The following IFRD1 variants were observed in gnomAD, a reference collection of about 807,000 sequenced individuals.
The protein encoded by IFRD1 is interferon-related developmental regulator 1.
Under a neutral mutation model 52.9 loss-of-function variants are expected in IFRD1, and 35 were observed. That is an observed-to-expected ratio of 0.66 (90% confidence interval 0.51 to 0.88). The LOEUF (loss-of-function observed/expected upper bound fraction) is 0.88, where lower values mean the gene tolerates loss of function less well. Among genes scored for constraint, IFRD1 ranks in the 40% least tolerant of loss-of-function variants. The probability of loss-of-function intolerance (pLI) is 0.00; values close to 1 mark genes in which losing one functional copy is unlikely to be tolerated. For synonymous variants in IFRD1, 184 were observed against 188.4 expected (o/e 0.98, Z 0.19); for missense variants, 517 against 550.8 (o/e 0.94, Z 0.61).
intron 9 of IFRD1, among the ~76,000 whole-genome samples, chr7:112,469,571 C>A (rs1157002516): frequency 6.6e-6 from 1 of 151,690 alleles, no homozygotes; most frequent in East Asian, 1.9e-4. Context: ...TTTTGAGTTA[C>A]TGTAGTCTCC....
chr7:112,439,364 T>C (rs1020986848), intron 1 of IFRD1, among the ~76,000 whole-genome samples: 6 of 152,240 alleles, frequency 3.9e-5, no homozygotes, highest in Admixed American at 2.0e-4. Context: ...CATATAAGAC[T>C]GTTAGAAATT....
intron 1 of IFRD1, among the ~76,000 whole-genome samples, chr7:112,432,059 A>G (rs539070782): frequency 1.8e-4 from 27 of 152,218 alleles, no homozygotes; most frequent in Non-Finnish European, 3.8e-4. Context: ...CCAGCCATTT[A>G]GCCACATCCT....
At chr7:112,448,826 C>T (rs1026579392), upstream of IFRD1, among the ~76,000 whole-genome samples, 2 of 151,978 alleles carry the variant, frequency 1.3e-5, no homozygotes, top group Admixed American at 6.5e-5. Context: ...ACATCTTGAA[C>T]GGTGGATAAA....
intron 8 of IFRD1, among the ~76,000 whole-genome samples, chr7:112,462,911 C>A (rs868046369): frequency 6.6e-6 from 1 of 152,122 alleles, no homozygotes; most frequent in Non-Finnish European, 1.5e-5. Flanking sequence ...GCTTGGCTCT[C>A]GAAGGGATTT....
chr7:112,457,482 A>C (rs1013129128), intron 4 of IFRD1: 10 of 184,492 alleles, frequency 5.4e-5, no homozygotes, highest in Non-Finnish European at 1.0e-4. Flanking sequence ...AAATTGTTAC[A>C]GTGATAGAAC....
intron 11 of IFRD1, among the ~76,000 whole-genome samples, chr7:112,473,247 T>TA (rs1306882714): frequency 7.2e-5 from 11 of 152,208 alleles, no homozygotes; most frequent in African/African-American, 2.7e-4. Flanking sequence ...TATCTTAATA[T>TA]AGGAACGGTG....
intron 1 of IFRD1, among the ~76,000 whole-genome samples, chr7:112,435,237 C>T (rs747959484): frequency 1.3e-5 from 2 of 152,178 alleles, no homozygotes; most frequent in East Asian, 1.9e-4. Context: ...CAAAACCACC[C>T]GCGGACAGAA....
intron 1 of IFRD1, among the ~76,000 whole-genome samples, chr7:112,437,665 C>A (rs1236096984): frequency 6.6e-6 from 1 of 150,964 alleles, no homozygotes; most frequent in Non-Finnish European, 1.5e-5. Flanking sequence ...AATGGAAATC[C>A]CTCCAGAGCA....
intron 11 of IFRD1, among the ~76,000 whole-genome samples, chr7:112,473,898 A>G (rs1054190259): frequency 6.6e-5 from 10 of 152,078 alleles, no homozygotes; most frequent in African/African-American, 2.4e-4. Flanking sequence ...ATTAGCAGTC[A>G]CTTCCCTTGT....
chr7:112,435,139 T>C (rs1794641584), intron 1 of IFRD1, among the ~76,000 whole-genome samples: 1 of 152,220 alleles, frequency 6.6e-6, no homozygotes, highest in African/African-American at 2.4e-5. Context: ...TAATATTTTA[T>C]TGGACGGCAA....
chr7:112,451,360 G>A (rs919484359), intron 1 of IFRD1, among the ~76,000 whole-genome samples: 1 of 152,204 alleles, frequency 6.6e-6, no homozygotes, highest in Non-Finnish European at 1.5e-5. Flanking sequence ...CGGAGGCGGG[G>A]GGACCACTTT....
chr7:112,450,579 C>G lies in IFRD1; in HGVS notation c.-110C>G, dbSNP rs1795128249. 1.6e-5 allele frequency: 13 copies of G among 824,516 alleles called. No homozygotes were observed. In the East Asian group the frequency reaches 2.9e-4, roughly 18 times the overall value. The allele number at this position is 824,516 out of a possible 1,614,324, so 51.1% of individuals were successfully genotyped here. A position where few individuals can be genotyped will look rare whatever the true frequency, so the allele number is the denominator to read the frequency against. ...GCCGCTTCTCGACTCTGTTGTTAGC[C>G]GAAGACTCGCCTCTCAGCCGCCCGC... is the stretch of plus-strand genomic sequence containing the variant. On this transcript the variant is annotated 5_prime_UTR_variant, in exon 1 of 12. Transcript: ENST00000403825.
intron 8 of IFRD1, among the ~76,000 whole-genome samples, chr7:112,465,824 A>AT (rs916599524): frequency 9.2e-5 from 14 of 152,042 alleles, no homozygotes; most frequent in African/African-American, 1.7e-4. Context: ...GGCTACACAG[A>AT]TTTTTTTTAA....
chr7:112,461,765 C>A, intron 5 of IFRD1, 101 bp from the exon 6 acceptor site: 1 of 661,664 alleles, frequency 1.5e-6, no homozygotes, highest in Non-Finnish European at 2.5e-6. Context: ...ATATATTATG[C>A]TGCTGAGAAC....
upstream of IFRD1, chr7:112,450,312 G>A (rs182111988): frequency 3.7e-5 from 9 of 244,314 alleles, no homozygotes; most frequent in South Asian, 3.7e-4. Context: ...GGCCGCATGG[G>A]ATTTGTAGGT....
chr7:112,439,129 T>G (rs1484835704), intron 1 of IFRD1, among the ~76,000 whole-genome samples: 1 of 152,138 alleles, frequency 6.6e-6, no homozygotes, highest in Non-Finnish European at 1.5e-5. Flanking sequence ...ATAGTGGGCA[T>G]AGAAGGAAGG....
upstream of IFRD1, among the ~76,000 whole-genome samples, chr7:112,448,284 C>A (rs1369593679): frequency 6.6e-6 from 1 of 152,060 alleles, no homozygotes; most frequent in African/African-American, 2.4e-5. Flanking sequence ...TGGGCCATGG[C>A]CAGGCCTGCC....
intron 1 of IFRD1, among the ~76,000 whole-genome samples, chr7:112,454,469 A>C (rs757441381): frequency 6.6e-6 from 1 of 152,188 alleles, no homozygotes; most frequent in Non-Finnish European, 1.5e-5. Flanking sequence ...CTGGGATTAT[A>C]AGTGTGAGCC....
intron 1 of IFRD1, among the ~76,000 whole-genome samples, chr7:112,431,490 G>A (rs1312207066): frequency 1.3e-5 from 2 of 152,106 alleles, no homozygotes; most frequent in Non-Finnish European, 2.9e-5. Flanking sequence ...CCAGGTTTTG[G>A]ATGAGGTGTG....
Sources: gnomAD v4.1 joint callset for allele counts (sites outside exome capture counted in the v4.1 genomes callset) on GRCh38, gnomAD v4.1.1 for gene constraint, MANE v1.5 for transcripts, NCBI Gene and HGNC (gene_info 2026-07-23, HGNC 2026-07-21) for gene names.